C12orf42: variants seen among roughly 807,000 people sequenced by gnomAD.
C12orf42 encodes the protein chromosome 12 open reading frame 42, also known as uncharacterized protein C12orf42.
Under a neutral mutation model 21.6 loss-of-function variants are expected in C12orf42, and 25 were observed. The observed-to-expected ratio is 1.16, with a 90% CI of 0.84 to 1.62. C12orf42 has a LOEUF of 1.62. Ranked by LOEUF, C12orf42 falls within the 40% of genes most tolerant of loss-of-function variation. C12orf42 has a pLI of 0.00. For synonymous variants in C12orf42, 174 were observed against 175.0 expected (o/e 0.99, Z 0.05); for missense variants, 483 against 459.3 (o/e 1.05, Z -0.47).
At chr12:103,386,530 T>A (rs988847769) in intron 3 of C12orf42, among the ~76,000 whole-genome samples, 21 of 152,226 alleles carry the variant, frequency 1.4e-4, no homozygotes, top group African/African-American at 5.1e-4. Context: ...TCTGGTTAAG[T>A]GCTCAAAGTC....
At chr12:103,527,411 G>A in the C12orf42 span, among the ~76,000 whole-genome samples, 1 of 152,128 alleles carries the variant, frequency 6.6e-6, no homozygotes, top group African/African-American at 2.4e-5. Flanking sequence ...GAAGGAGTTT[G>A]GGTCATGGAG....
chr12:103,288,794 A>G lies in C12orf42; in HGVS notation n.338-11584T>C, dbSNP rs115392286. On this transcript the variant is annotated intron_variant and non_coding_transcript_variant, in intron 4 of 6. Coordinates refer to the C12orf42 transcript ENST00000546526. ...AAACATCTCAAAATCTCCTATAACT[A>G]TTTTTTATTAGCAAAAAACACAAAT... Among the ~76,000 whole-genome samples the G allele has an allele frequency of 5.6e-3, 856 of 152,256 alleles. 4 individuals are homozygous for G. Among genetic ancestry groups the G allele is most frequent in the African/African-American group, 0.019 (810 of 41,568 alleles).
At chr12:103,337,179 G>A (rs2041769694) in intron 4 of C12orf42, among the ~76,000 whole-genome samples, 1 of 152,200 alleles carries the variant, frequency 6.6e-6, no homozygotes, top group Non-Finnish European at 1.5e-5. Context: ...CTGTAAACTA[G>A]AAAGTAAATG....
downstream of C12orf42, among the ~76,000 whole-genome samples, chr12:103,234,244 A>G (rs187861494): frequency 6.6e-6 from 1 of 152,282 alleles, no homozygotes; most frequent in East Asian, 1.9e-4. Flanking sequence ...GATATATGAT[A>G]TGGTCCATCT....
At chr12:103,481,984 G>A (rs1341601612) in intron 1 of C12orf42, among the ~76,000 whole-genome samples, 1 of 151,782 alleles carries the variant, frequency 6.6e-6, no homozygotes. Flanking sequence ...ATAAAACAAG[G>A]TTCTTTAACA....
At chr12:103,380,937 T>C (rs974084641) in intron 3 of C12orf42, among the ~76,000 whole-genome samples, 3 of 152,216 alleles carry the variant, frequency 2.0e-5, no homozygotes, top group Admixed American at 2.0e-4. Context: ...AAATTGTATA[T>C]ATAGGGTACC....
the C12orf42 span, among the ~76,000 whole-genome samples, chr12:103,059,285 C>T: frequency 3.8e-4 from 58 of 152,192 alleles, no homozygotes; most frequent in African/African-American, 1.3e-3. Context: ...AGGAAGAAGT[C>T]GAATCCCTGA....
At chr12:103,098,183 G>A in the C12orf42 span, among the ~76,000 whole-genome samples, 1 of 152,220 alleles carries the variant, frequency 6.6e-6, no homozygotes, top group African/African-American at 2.4e-5. Flanking sequence ...CCTCAGAATG[G>A]AAACCAATGG....
At chr12:103,101,761 T>C in the C12orf42 span, among the ~76,000 whole-genome samples, 2 of 152,224 alleles carry the variant, frequency 1.3e-5, no homozygotes, top group Non-Finnish European at 2.9e-5. Context: ...CTCATAATTC[T>C]GTGGGTTGGC....
At chr12:103,421,099 C>T (rs1006723517) in intron 2 of C12orf42, among the ~76,000 whole-genome samples, 8 of 152,036 alleles carry the variant, frequency 5.3e-5, no homozygotes, top group Admixed American at 5.2e-4. Flanking sequence ...GTCCTAGGGA[C>T]CAAGAAGCCT....
At chr12:103,524,995 TTTTTTTGTTTG>T in the C12orf42 span, among the ~76,000 whole-genome samples, 2 of 151,624 alleles carry the variant, frequency 1.3e-5, no homozygotes, top group East Asian at 2.0e-4. Flanking sequence ...TCTGGGGAGA[TTTTTTTGTTTG>T]TTTTTTGTTT....
chr12:103,481,760 GCTTTCTA>G (rs1227400319), intron 1 of C12orf42, among the ~76,000 whole-genome samples: 1 of 150,152 alleles, frequency 6.7e-6, no homozygotes. Flanking sequence ...TCTTGTATGT[GCTTTCTA>G]CTTATCTACG....
chr12:103,318,468 A>G (rs1263088666), intron 4 of C12orf42, among the ~76,000 whole-genome samples: 1 of 152,170 alleles, frequency 6.6e-6, no homozygotes, highest in Non-Finnish European at 1.5e-5. Context: ...ATAAGCAGTG[A>G]ATACAGTTTT....
the C12orf42 span, among the ~76,000 whole-genome samples, chr12:103,555,980 CA>C: frequency 6.6e-6 from 1 of 152,078 alleles, no homozygotes; most frequent in Non-Finnish European, 1.5e-5. Context: ...ACAGATAGAG[CA>C]GTTGGAAGTC....
chr12:103,157,802 G>T, the C12orf42 span, among the ~76,000 whole-genome samples: 3 of 152,070 alleles, frequency 2.0e-5, no homozygotes, highest in Non-Finnish European at 4.4e-5. Context: ...TATTTCTGAG[G>T]TCTCTGAGAA....
chr12:103,343,086 T>C (rs1291474523), intron 4 of C12orf42, among the ~76,000 whole-genome samples: 2 of 152,182 alleles, frequency 1.3e-5, no homozygotes, highest in South Asian at 2.1e-4. Flanking sequence ...TTGCTGCCAA[T>C]GGGACTTAAC....
chr12:103,545,948 T>C, the C12orf42 span, among the ~76,000 whole-genome samples: 14 of 152,356 alleles, frequency 9.2e-5, no homozygotes, highest in African/African-American at 3.4e-4. Context: ...CTGGACAGAA[T>C]GCCTCTAGTT....
At chr12:103,062,415 A>G in the C12orf42 span, among the ~76,000 whole-genome samples, 1 of 151,766 alleles carries the variant, frequency 6.6e-6, no homozygotes, top group Non-Finnish European at 1.5e-5. Flanking sequence ...CTTGATACTA[A>G]ATTCTATATC....
Position 103,368,963 on chromosome 12 carries a change from G to A in C12orf42, c.183C>T (p.Cys61=). The A allele has an allele frequency of 6.3e-7, 1 of 1,599,550 alleles. No homozygotes were observed. Among genetic ancestry groups the A allele is most frequent in the South Asian group, 1.1e-5 (1 of 88,502 alleles). ...TCTTCATGTGATTAATGAATCTGGA[G>A]CAGGGTACTGAAGTTCTTTCATAAC... ...IPCYERTSVP[C]SRFINHMKNF... The change falls in exon 4 of 6, where the codon TGC becomes TGT. Residue 61 remains cysteine, a synonymous_variant. Transcript: ENST00000548883.
Sources: gnomAD v4.1 joint callset for allele counts (sites outside exome capture counted in the v4.1 genomes callset) on GRCh38, gnomAD v4.1.1 for gene constraint, MANE v1.5 for transcripts, NCBI Gene and HGNC (gene_info 2026-07-23, HGNC 2026-07-21) for gene names.